Variants in MINAR1 observed in about 807,000 individuals in gnomAD.
MINAR1 encodes the protein major intrinsically disordered Notch2-binding receptor 1.
MINAR1 carries 40 observed loss-of-function variants against 65.1 expected under a neutral mutation model. The ratio of observed to expected loss-of-function variants is 0.61; its 90% confidence interval spans 0.48 to 0.80. The LOEUF (loss-of-function observed/expected upper bound fraction) is 0.80, where lower values mean the gene tolerates loss of function less well. MINAR1 is among the 30% of genes least tolerant of loss of function. The pLI, the probability that MINAR1 is intolerant of heterozygous loss-of-function variation, is 0.00. For synonymous variants in MINAR1, 482 were observed against 449.1 expected, an observed-to-expected ratio of 1.07 and a Z score of -0.93; for missense variants, 1,128 against 1,148.0, an observed-to-expected ratio of 0.98 and a Z score of 0.25.
chr15:79,466,806 G>C (rs1226049647), intron 3 of MINAR1, among the ~76,000 whole-genome samples: 3 of 152,228 alleles, frequency 2.0e-5, no homozygotes, highest in Admixed American at 2.0e-4. Context: ...ACCAGCACCA[G>C]TAGGAAGCTG....
intron 1 of MINAR1, among the ~76,000 whole-genome samples, chr15:79,436,235 G>A (rs1021349583): frequency 6.6e-6 from 1 of 152,216 alleles, no homozygotes; most frequent in Admixed American, 6.5e-5. Context: ...GATGCAACAT[G>A]TAAAGAACTT....
intron 3 of MINAR1, among the ~76,000 whole-genome samples, chr15:79,464,238 A>G (rs538437201): frequency 7.9e-4 from 120 of 152,354 alleles, no homozygotes; most frequent in African/African-American, 1.9e-3. Flanking sequence ...CAGTCCCTCC[A>G]CCTGTTAAAT....
the MINAR1 span, chr15:79,427,045 T>TA: frequency 1.3e-5 from 2 of 151,990 alleles, no homozygotes; most frequent in African/African-American, 2.4e-5. Flanking sequence ...GTAGACTGGA[T>TA]AAAAAAATGT....
chr15:79,435,032 T>C lies in MINAR1; in HGVS notation c.-51+2492T>C, dbSNP rs143752432. Among the ~76,000 whole-genome samples, 893 of 152,270 alleles carry C rather than the reference T, an allele frequency of 5.9e-3. 4 individuals are homozygous for C. The highest frequency in any genetic ancestry group is 0.017 in the Middle Eastern group (5 of 294). The stretch of plus-strand genomic sequence containing the variant: ...GCCCATGCCTGTAATCCCAGCACTT[T>C]AGGAGGCCGAAGCGGGTGGATCACC... On this transcript the variant is annotated intron_variant, in intron 1 of 3. Transcript: ENST00000305428.
At position 79,468,339 on chromosome 15, in the gene MINAR1, C is replaced by A; in HGVS notation, c.2706C>A (p.Thr902=). The A allele has an allele frequency of 6.2e-7, 1 of 1,614,106 alleles. No homozygotes were observed. The highest frequency in any genetic ancestry group is 8.5e-7 in the Non-Finnish European group (1 of 1,180,008). Residue 902 remains threonine, a synonymous_variant, in exon 4 of 4, where the codon ACC becomes ACA. Coordinates refer to ENST00000305428, the MANE Select transcript of MINAR1 (RefSeq NM_015206.3). ...IAALIAAAAC[T]VILVIVVPIC... ...CTCTGATCGCTGCTGCGGCATGCAC[C>A]GTCATCCTCGTTATTGTCGTGCCCA...
chr15:79,435,034 G>A (rs1034867974), intron 1 of MINAR1, among the ~76,000 whole-genome samples: 17 of 152,226 alleles, frequency 1.1e-4, no homozygotes, highest in African/African-American at 4.1e-4. Flanking sequence ...CAGCACTTTA[G>A]GAGGCCGAAG....
chr15:79,456,614 C>T lies in MINAR1; in HGVS notation c.467C>T (p.Ser156Phe), dbSNP rs1012047271. 6.2e-7 allele frequency: 1 copy of T among 1,614,162 alleles called. No individual in the cohort carries two copies. Among genetic ancestry groups the T allele is most frequent in the Non-Finnish European group, 8.5e-7 (1 of 1,180,034 alleles). The change falls in exon 2 of 4, where the codon TCC becomes TTC. Residue 156 changes from serine to phenylalanine, a missense_variant. Coordinates refer to ENST00000305428, the MANE Select transcript of MINAR1 (RefSeq NM_015206.3). Reference protein sequence around the residue: ...FSRGYPIRQSSKCRKMDCKDC... With the variant: ...FSRGYPIRQSFKCRKMDCKDC... ...CGGGGCTACCCCATCAGGCAGTCGT[C>T]CAAGTGCCGGAAGATGGACTGCAAG...
chr15:79,457,251 C>T lies in MINAR1; in HGVS notation c.1104C>T (p.Ser368=). The change falls in exon 2 of 4, where the codon AGC becomes AGT. Residue 368 remains serine, a synonymous_variant. Transcript: ENST00000305428. ...PNKQTPWPAK[S]WSLNTEEVPD... ...AGCAGACTCCCTGGCCAGCCAAAAG[C>T]TGGAGCCTAAACACAGAGGAAGTTC... 6.2e-7 allele frequency: 1 copy of T among 1,614,192 alleles called. No individual in the cohort carries two copies.
At chr15:79,439,960 T>C (rs1894824137) in intron 1 of MINAR1, among the ~76,000 whole-genome samples, 2 of 152,238 alleles carry the variant, frequency 1.3e-5, no homozygotes, top group South Asian at 4.1e-4. Context: ...TTATGGTGTC[T>C]AGAATGAGGA....
chr15:79,441,300 G>A (rs904278119), intron 1 of MINAR1, among the ~76,000 whole-genome samples: 1 of 152,042 alleles, frequency 6.6e-6, no homozygotes, highest in Non-Finnish European at 1.5e-5. Context: ...GTGAGTGTCT[G>A]TATAAAATTT....
the MINAR1 span, chr15:79,423,485 C>T: frequency 2.0e-5 from 3 of 152,140 alleles, no homozygotes; most frequent in African/African-American, 7.2e-5. Flanking sequence ...ATAAATTAAA[C>T]AATTTATTTA....
intron 1 of MINAR1, among the ~76,000 whole-genome samples, chr15:79,441,871 TCAAA>T (rs1397366062): frequency 2.0e-5 from 3 of 152,122 alleles, no homozygotes; most frequent in East Asian, 1.9e-4. Context: ...AAATAAGTAA[TCAAA>T]CAAATTGCTG....
the MINAR1 span, chr15:79,426,635 G>A: frequency 6.6e-6 from 1 of 152,204 alleles, no homozygotes; most frequent in East Asian, 1.9e-4. Context: ...AGTATGCTCA[G>A]CCTGGCTCCC....
In MINAR1 at chr15:79,471,903, G is replaced by C. The variant is rs1896099629; in HGVS notation, c.*3519G>C. 1 of 152,536 alleles carries C rather than the reference G, an allele frequency of 6.6e-6. No homozygotes were observed. 9.4% of individuals were successfully genotyped at this position (152,536 alleles called of 1,614,324 possible). On this transcript the variant is annotated 3_prime_UTR_variant, in exon 4 of 4. Transcript: ENST00000305428. ...ACTGTATACTGTACTATGAAAATTT[G>C]TATTTAAAGGCAAAGATACAAGTAA...
intron 1 of MINAR1, among the ~76,000 whole-genome samples, chr15:79,447,378 T>C (rs1036488395): frequency 6.6e-6 from 1 of 152,212 alleles, no homozygotes; most frequent in African/African-American, 2.4e-5. Context: ...ACTTTTTTCA[T>C]AGTGTCTTCT....
intron 2 of MINAR1, among the ~76,000 whole-genome samples, chr15:79,460,059 G>T (rs995207259): frequency 3.9e-5 from 6 of 152,204 alleles, no homozygotes; most frequent in African/African-American, 1.4e-4. Flanking sequence ...AAATGTCAAA[G>T]CTTCACAAAG....
At chr15:79,462,791 A>G (rs908146530) in intron 2 of MINAR1, among the ~76,000 whole-genome samples, 1 of 152,204 alleles carries the variant, frequency 6.6e-6, no homozygotes, top group Admixed American at 6.5e-5. Flanking sequence ...CTACCTGTAC[A>G]ATGGGGATTC....
At chr15:79,434,859 T>C (rs112337629) in intron 1 of MINAR1, among the ~76,000 whole-genome samples, 1,828 of 151,898 alleles carry the variant, frequency 0.012, 40 homozygotes, top group African/African-American at 0.042. Context: ...ATTATGTAAC[T>C]TTAATGCATG....
the MINAR1 span, chr15:79,418,164 GC>G: frequency 2.6e-5 from 4 of 152,190 alleles, no homozygotes; most frequent in African/African-American, 9.7e-5. Flanking sequence ...CCAGCAGAAA[GC>G]CCCACTCCTT....
Sources: allele counts gnomAD v4.1 joint callset (sites outside exome capture counted in the v4.1 genomes callset), GRCh38; gene constraint gnomAD v4.1.1; transcripts MANE v1.5; gene names NCBI Gene and HGNC (gene_info 2026-07-23, HGNC 2026-07-21).